CRTC1: variants seen among roughly 807,000 people sequenced by gnomAD.
CRTC1 encodes CREB-regulated transcription coactivator 1.
CRTC1 carries 18 observed loss-of-function variants against 66.1 expected under a neutral mutation model. That is an observed-to-expected ratio of 0.27 (90% CI 0.19 to 0.40). The LOEUF (loss-of-function observed/expected upper bound fraction) is 0.40. Among genes scored for constraint, CRTC1 ranks in the 10% least tolerant of loss-of-function variants. The pLI is 1.00. For missense variants in CRTC1, 669 were observed against 887.9 expected (o/e 0.75, Z 3.13); for synonymous variants, 416 against 398.8 (o/e 1.04, Z -0.51).
intron 1 of CRTC1, among the ~76,000 whole-genome samples, chr19:18,685,601 G>A (rs538510617): frequency 6.6e-6 from 1 of 152,332 alleles, no homozygotes; most frequent in South Asian, 2.1e-4. Context: ...AGGTTGCAGT[G>A]AGCCGAGATC....
At chr19:18,773,128 G>C (rs1028929239) in intron 11 of CRTC1, among the ~76,000 whole-genome samples, 1 of 152,152 alleles carries the variant, frequency 6.6e-6, no homozygotes, top group Non-Finnish European at 1.5e-5. Context: ...GGTGTCCGTC[G>C]TGCGCTGATG....
At chr19:18,695,052 G>A (rs1486671740) in intron 1 of CRTC1, among the ~76,000 whole-genome samples, 2 of 152,090 alleles carry the variant, frequency 1.3e-5, no homozygotes, top group Non-Finnish European at 2.9e-5. Flanking sequence ...TGTATTTTTA[G>A]TAGAGATGAG....
chr19:18,714,548 C>T (rs1171508229), intron 1 of CRTC1, among the ~76,000 whole-genome samples: 2 of 152,132 alleles, frequency 1.3e-5, no homozygotes, highest in African/African-American at 2.4e-5. Context: ...CCTCGTGATC[C>T]GCCTGCTTTG....
In CRTC1 at chr19:18,698,048, C is replaced by G. The variant is rs995755024; in HGVS notation, c.126+14220C>G. 2.0e-5 allele frequency among the ~76,000 whole-genome samples: 3 copies of G among 151,550 alleles called. No homozygotes were observed. The East Asian group carries it at 5.9e-4, about 30-fold the overall frequency. ...GTTCTGCAGGTGCTCAGCAGGTGCA[C>G]GGTGTGTTCTGCAGTGTGTACTCAG... On this transcript the variant is annotated intron_variant, in intron 1 of 13. Coordinates refer to ENST00000321949, the MANE Select transcript of CRTC1 (RefSeq NM_015321.3).
intron 8 of CRTC1, among the ~76,000 whole-genome samples, chr19:18,764,288 A>G (rs2145823691): frequency 6.6e-6 from 1 of 152,300 alleles, no homozygotes; most frequent in African/African-American, 2.4e-5. Context: ...TGCAGGCCAG[A>G]TGCTCTTCAG....
intron 6 of CRTC1, among the ~76,000 whole-genome samples, chr19:18,754,072 G>A (rs547868424): frequency 5.5e-5 from 8 of 146,496 alleles, no homozygotes; most frequent in African/African-American, 1.5e-4. Flanking sequence ...TTGCACTCCC[G>A]CCTGGGCAAC....
chr19:18,780,130 G>A lies in CRTC1; in HGVS notation c.*2748G>A, dbSNP rs1268299674. ...TGACGAGCCGCTTCCTGAGGGGCAG[G>A]CCCACGTGGGGAGGTTGCGCCGTGT... On this transcript the variant is annotated 3_prime_UTR_variant, in exon 14 of 14. Transcript: ENST00000321949. 8.6e-6 allele frequency: 2 copies of A among 232,186 alleles called. No individual in the cohort carries two copies. The highest frequency in any genetic ancestry group is 1.2e-4 in the East Asian group (2 of 16,470). 14.4% of individuals were successfully genotyped at this position (232,186 alleles called of 1,614,324 possible).
At position 18,781,550 on chromosome 19, in the gene CRTC1, C is replaced by T. The variant is rs1223354914; in HGVS notation, c.*4168C>T. The T allele has an allele frequency of 4.3e-6, 1 of 230,128 alleles. No homozygotes were observed. The highest frequency in any genetic ancestry group is 6.2e-5 in the East Asian group (1 of 16,216). 14.3% of individuals were successfully genotyped at this position (230,128 alleles called of 1,614,324 possible). ...TCCACCCACCCCCACTGGCCACAGA[C>T]ACCATTCTCCCCCTGGGAGCAGGAG... is the stretch of plus-strand genomic sequence containing the variant. On this transcript the variant is annotated 3_prime_UTR_variant, in exon 14 of 14. Coordinates refer to ENST00000321949, the MANE Select transcript of CRTC1 (RefSeq NM_015321.3).
In CRTC1 at chr19:18,777,564, C is replaced by T. The variant is rs1601032381; in HGVS notation, c.*182C>T. On this transcript the variant is annotated 3_prime_UTR_variant, in exon 14 of 14. Transcript: ENST00000321949. The surrounding 1 kb of genome is among the most constrained non-coding windows in gnomAD (Gnocchi z 5.5). ...CCCGCGAAGCCCAATCGCGAGGCCG[C>T]GAGCCGGGCCGTCCACCCACCCGCC... The T allele has an allele frequency of 1.0e-5, 6 of 588,642 alleles. No homozygotes were observed. Among genetic ancestry groups the T allele is most frequent in the South Asian group, 6.3e-5 (3 of 47,786 alleles). 36.5% of individuals were successfully genotyped at this position (588,642 alleles called of 1,614,324 possible). A position where few individuals can be genotyped will look rare whatever the true frequency, so the allele number is the denominator to read the frequency against.
At chr19:18,726,617 G>A (rs2053758205) in intron 1 of CRTC1, among the ~76,000 whole-genome samples, 1 of 152,210 alleles carries the variant, frequency 6.6e-6, no homozygotes, top group Non-Finnish European at 1.5e-5. Flanking sequence ...CCTAAATCCA[G>A]TGACTGGTGT....
intron 2 of CRTC1, among the ~76,000 whole-genome samples, chr19:18,743,798 G>A (rs1200033293): frequency 6.6e-6 from 1 of 152,216 alleles, no homozygotes; most frequent in African/African-American, 2.4e-5. Flanking sequence ...ACCACGGTGC[G>A]CCTCCTCCGG....
At chr19:18,702,274 C>T (rs535250338) in intron 1 of CRTC1, among the ~76,000 whole-genome samples, 166 of 151,124 alleles carry the variant, frequency 1.1e-3, no homozygotes, top group African/African-American at 3.9e-3. Context: ...GGCTGGACTG[C>T]AGTGGTGTGA....
chr19:18,758,185 C>T (rs1220857539), intron 6 of CRTC1, among the ~76,000 whole-genome samples: 2 of 150,830 alleles, frequency 1.3e-5, no homozygotes, highest in Non-Finnish European at 3.0e-5. Context: ...CACGGTGAAA[C>T]CCCGTCTCTA....
rs1389721413 is a variant in CRTC1 at position 18,753,484 on chromosome 19, C to A, written c.539-16C>A. On this transcript the variant is annotated splice_polypyrimidine_tract_variant and intron_variant, in intron 5 of 13. Transcript: ENST00000321949. ...TTTCTTCTCTGATTCTCCTTCTCCC[C>A]CTCCCACCTCCCCAGTCTTACTGTT... is the stretch of plus-strand genomic sequence containing the variant. The A allele has an allele frequency of 5.7e-6, 9 of 1,585,532 alleles. No individual in the cohort carries two copies. Among genetic ancestry groups the A allele is most frequent in the Non-Finnish European group, 7.8e-6 (9 of 1,161,154 alleles).
intron 1 of CRTC1, among the ~76,000 whole-genome samples, chr19:18,740,253 A>T (rs992246744): frequency 1.4e-5 from 2 of 144,296 alleles, no homozygotes; most frequent in African/African-American, 2.5e-5. Flanking sequence ...ACTCCATCTT[A>T]AAAAAAAAAA....
intron 1 of CRTC1, among the ~76,000 whole-genome samples, chr19:18,722,219 C>T (rs2053644262): frequency 6.6e-6 from 1 of 152,204 alleles, no homozygotes; most frequent in Admixed American, 6.5e-5. Flanking sequence ...AAGCAGTTAT[C>T]AACTTGTCTG....
At chr19:18,726,786 T>C (rs1383714430) in intron 1 of CRTC1, among the ~76,000 whole-genome samples, 1 of 150,356 alleles carries the variant, frequency 6.7e-6, no homozygotes, top group Non-Finnish European at 1.5e-5. Context: ...ATTAGCCAGG[T>C]GTGATGGTGG....
In CRTC1 at chr19:18,733,609, G is replaced by T. The variant is rs79715368; in HGVS notation, c.127-9301G>T. On this transcript the variant is annotated intron_variant, in intron 1 of 13. Coordinates refer to ENST00000321949, the MANE Select transcript of CRTC1 (RefSeq NM_015321.3). ...GATGCTCTCATCATCATTCCCTATC[G>T]CTTCCCAAGCTCGGCAGATGTTTAC... Among the ~76,000 whole-genome samples, 36 of 152,282 alleles carry T rather than the reference G, an allele frequency of 2.4e-4. No individual in the cohort carries two copies. In the East Asian group the frequency reaches 5.0e-3, roughly 21 times the overall value.
At chr19:18,708,833 C>T (rs1309660705) in intron 1 of CRTC1, among the ~76,000 whole-genome samples, 1 of 152,194 alleles carries the variant, frequency 6.6e-6, no homozygotes, top group African/African-American at 2.4e-5. Context: ...GCAGGAGGAC[C>T]CTGGTTTCCT....
Sources: allele counts gnomAD v4.1 joint callset (sites outside exome capture counted in the v4.1 genomes callset), GRCh38; gene constraint gnomAD v4.1.1; non-coding constraint Gnocchi (gnomAD v3.1); transcripts MANE v1.5; gene names NCBI Gene and HGNC (gene_info 2026-07-23, HGNC 2026-07-21).